LRRC4C: variants seen among roughly 807,000 people sequenced by gnomAD.
LRRC4C encodes the protein leucine rich repeat containing 4C.
Under a neutral mutation model 33.6 loss-of-function variants are expected in LRRC4C, and 5 were observed. That is an observed-to-expected ratio of 0.15 (90% confidence interval 0.08 to 0.31). The LOEUF (loss-of-function observed/expected upper bound fraction) is 0.31. Among genes scored for constraint, LRRC4C ranks in the 10% least tolerant of loss-of-function variants. The pLI, the probability that LRRC4C is intolerant of heterozygous loss-of-function variation, is 1.00. For synonymous variants in LRRC4C, 329 were observed against 302.0 expected, an observed-to-expected ratio of 1.09 and a Z score of -0.93; for missense variants, 560 against 796.7, an observed-to-expected ratio of 0.70 and a Z score of 3.58.
chr11:41,205,769 C>T (rs1291844850), intron 1 of LRRC4C, among the ~76,000 whole-genome samples: 4 of 152,176 alleles, frequency 2.6e-5, no homozygotes. Context: ...CATTAGCAAA[C>T]TTAACTTTCA....
chr11:40,597,912 T>C (rs1052418509), intron 3 of LRRC4C, among the ~76,000 whole-genome samples: 1 of 152,226 alleles, frequency 6.6e-6, no homozygotes, highest in African/African-American at 2.4e-5. Context: ...AAATGTTTTA[T>C]TGACATCAAG....
chr11:41,039,867 C>T (rs7936288), intron 1 of LRRC4C, among the ~76,000 whole-genome samples: 81,702 of 151,720 alleles, frequency 0.54, 22,527 homozygotes, highest in East Asian at 0.65. Flanking sequence ...TGAGGCTGAG[C>T]GCGGTGGCTC....
At chr11:40,720,966 C>T (rs968746416) in intron 2 of LRRC4C, among the ~76,000 whole-genome samples, 2 of 152,050 alleles carry the variant, frequency 1.3e-5, no homozygotes, top group Non-Finnish European at 2.9e-5. Context: ...AGGAGATGAG[C>T]CTATTCATTA....
At chr11:41,021,210 A>AGTGTGT (rs1429047906) in intron 1 of LRRC4C, among the ~76,000 whole-genome samples, 8 of 133,442 alleles carry the variant, frequency 6.0e-5, no homozygotes, top group African/African-American at 2.3e-4. Flanking sequence ...AGAGAGAGAG[A>AGTGTGT]GAGAGTGTGT....
chr11:41,132,011 G>A (rs916721346), intron 1 of LRRC4C, among the ~76,000 whole-genome samples: 2 of 152,160 alleles, frequency 1.3e-5, no homozygotes, highest in African/African-American at 4.8e-5. Flanking sequence ...TGAGCAGCCT[G>A]TGCCACTGCT....
At chr11:40,907,817 G>T (rs1056979942) in intron 2 of LRRC4C, among the ~76,000 whole-genome samples, 1 of 152,160 alleles carries the variant, frequency 6.6e-6, no homozygotes, top group African/African-American at 2.4e-5. Flanking sequence ...TCGCTTAAAA[G>T]CGTAACTTGT....
chr11:40,775,733 T>C (rs1032932033), intron 2 of LRRC4C, among the ~76,000 whole-genome samples: 1 of 152,220 alleles, frequency 6.6e-6, no homozygotes, highest in Non-Finnish European at 1.5e-5. Context: ...AGAGAGAATT[T>C]GACTTTTGCT....
At chr11:40,328,021 G>T (rs1432859487) in intron 3 of LRRC4C, among the ~76,000 whole-genome samples, 1 of 151,896 alleles carries the variant, frequency 6.6e-6, no homozygotes, top group African/African-American at 2.4e-5. Context: ...TAACAAATAT[G>T]TACCACAGAC....
At chr11:40,930,271 G>A (rs1418478309) in intron 2 of LRRC4C, among the ~76,000 whole-genome samples, 2 of 152,244 alleles carry the variant, frequency 1.3e-5, no homozygotes, top group East Asian at 3.9e-4. Context: ...AAAGAAACCT[G>A]GAGAGTAGAG....
chr11:41,304,687 C>T (rs1261358619), intron 1 of LRRC4C, among the ~76,000 whole-genome samples: 4 of 99,224 alleles, frequency 4.0e-5, no homozygotes, highest in African/African-American at 1.2e-4. Context: ...GTCAGCCCCC[C>T]GCCCGGCCAG....
intron 2 of LRRC4C, among the ~76,000 whole-genome samples, chr11:40,833,375 TA>T (rs1045965149): frequency 5.3e-5 from 8 of 152,068 alleles, no homozygotes; most frequent in Admixed American, 3.3e-4. Context: ...CACATTTAGT[TA>T]AAAAAAGGTA....
In LRRC4C at chr11:40,666,080, G is replaced by A. The variant is rs1013531180; in HGVS notation, c.-406-17802C>T. ...GATGAGCAATGGTAAACAATTAGAT[G>A]CCCTTCAATTGAAGAATAGATAAAT... On this transcript the variant is annotated intron_variant, in intron 2 of 6. Transcript: ENST00000528697. Among the ~76,000 whole-genome samples the A allele has an allele frequency of 2.0e-5, 3 of 151,960 alleles. No individual in the cohort carries two copies. The South Asian group carries it at 6.2e-4, about 32-fold the overall frequency.
chr11:41,437,758 C>A (rs959162902), intron 1 of LRRC4C, among the ~76,000 whole-genome samples: 1 of 152,182 alleles, frequency 6.6e-6, no homozygotes, highest in Admixed American at 6.5e-5. Flanking sequence ...ACAATATGGG[C>A]TGGGTGCCCT....
intron 3 of LRRC4C, among the ~76,000 whole-genome samples, chr11:40,376,374 A>T (rs759793574): frequency 6.6e-6 from 1 of 152,148 alleles, no homozygotes; most frequent in Non-Finnish European, 1.5e-5. Flanking sequence ...TTATATAGAA[A>T]CACAGAAAAG....
chr11:41,327,996 A>C (rs1010794689), intron 1 of LRRC4C, among the ~76,000 whole-genome samples: 6 of 152,110 alleles, frequency 3.9e-5, no homozygotes, highest in African/African-American at 4.8e-5. Flanking sequence ...GTATTCATAA[A>C]GTCTTATTTT....
chr11:40,128,089 G>A (rs1325372710), intron 6 of LRRC4C, among the ~76,000 whole-genome samples: 2 of 152,130 alleles, frequency 1.3e-5, no homozygotes, highest in African/African-American at 4.8e-5. Context: ...GGTTGGTTTG[G>A]TATTCCTGAC....
intron 3 of LRRC4C, among the ~76,000 whole-genome samples, chr11:40,447,882 T>C (rs1303298906): frequency 6.6e-6 from 1 of 152,178 alleles, no homozygotes; most frequent in African/African-American, 2.4e-5. Flanking sequence ...AATGGTGTGA[T>C]CTTGGCTCAC....
intron 1 of LRRC4C, among the ~76,000 whole-genome samples, chr11:40,997,928 C>T (rs1355222126): frequency 6.6e-6 from 1 of 152,142 alleles, no homozygotes; most frequent in African/African-American, 2.4e-5. Flanking sequence ...TTTCTTTGAG[C>T]TGTCCAAATA....
chr11:40,470,836 A>G (rs1952895104), intron 3 of LRRC4C, among the ~76,000 whole-genome samples: 1 of 152,214 alleles, frequency 6.6e-6, no homozygotes, highest in South Asian at 2.1e-4. Flanking sequence ...AATTAGAGAA[A>G]AAAGAATGAA....
Sources: allele counts gnomAD v4.1 joint callset (sites outside exome capture counted in the v4.1 genomes callset), GRCh38; gene constraint gnomAD v4.1.1; transcripts MANE v1.5; gene names NCBI Gene and HGNC (gene_info 2026-07-23, HGNC 2026-07-21).